ADAMTS2: variants seen among roughly 807,000 people sequenced by gnomAD.
ADAMTS2 encodes ADAM metallopeptidase with thrombospondin type 1 motif 2, also known as A disintegrin and metalloproteinase with thrombospondin motifs 2.
ADAMTS2 carries 50 observed loss-of-function variants against 123.0 expected under a neutral mutation model. The ratio of observed to expected loss-of-function variants is 0.41; its 90% CI spans 0.32 to 0.51. ADAMTS2 has a LOEUF of 0.51. Ranked by LOEUF, ADAMTS2 falls within the 20% of genes least tolerant of loss-of-function variation. ADAMTS2 has a pLI of 0.35. For synonymous variants in ADAMTS2, 678 were observed against 695.4 expected, an observed-to-expected ratio of 0.98 and a Z score of 0.39; for missense variants, 1,494 against 1,705.2, an observed-to-expected ratio of 0.88 and a Z score of 2.18.
chr5:179,157,306 T>G (rs1561782351), intron 6 of ADAMTS2, among the ~76,000 whole-genome samples: 1 of 152,060 alleles, frequency 6.6e-6, no homozygotes, highest in Non-Finnish European at 1.5e-5. Flanking sequence ...TGTGTCGGTT[T>G]CCCCTCCTAG....
chr5:179,320,299 C>A (rs965122885), intron 2 of ADAMTS2, among the ~76,000 whole-genome samples: 7 of 152,104 alleles, frequency 4.6e-5, no homozygotes, highest in South Asian at 2.1e-4. Context: ...TGGAGTCCAC[C>A]CTCCTCCATT....
chr5:179,182,073 G>T (rs1302840880), intron 4 of ADAMTS2, among the ~76,000 whole-genome samples: 1 of 152,100 alleles, frequency 6.6e-6, no homozygotes, highest in African/African-American at 2.4e-5. Flanking sequence ...CCTCCTCGAG[G>T]CCAGCTCAGC....
intron 9 of ADAMTS2, 102 bp downstream of exon 9, chr5:179,153,389 C>T: frequency 6.4e-7 from 1 of 1,561,174 alleles, no homozygotes. Flanking sequence ...CTCTGCCCTC[C>T]CCACACTGGG....
chr5:179,275,251 G>A (rs535231572), intron 2 of ADAMTS2, among the ~76,000 whole-genome samples: 1 of 152,162 alleles, frequency 6.6e-6, no homozygotes. Context: ...GCACCTGGGA[G>A]AGGGGTAATG....
chr5:179,194,772 G>A (rs781214576), intron 4 of ADAMTS2, among the ~76,000 whole-genome samples: 3 of 152,160 alleles, frequency 2.0e-5, no homozygotes, highest in Non-Finnish European at 4.4e-5. Context: ...GGTCACAGGT[G>A]TGCCTCCTTG....
At chr5:179,205,787 T>A (rs428901) in intron 4 of ADAMTS2, among the ~76,000 whole-genome samples, 170 of 96,554 alleles carry the variant, frequency 1.8e-3, no homozygotes, top group Middle Eastern at 6.4e-3. Context: ...TATTATTATT[T>A]TTGAGACGGA....
intron 3 of ADAMTS2, among the ~76,000 whole-genome samples, chr5:179,249,641 A>G (rs1433315635): frequency 2.0e-5 from 3 of 152,204 alleles, no homozygotes; most frequent in Admixed American, 6.5e-5. Flanking sequence ...AACAAATTAA[A>G]TAACCTAGAA....
At chr5:179,148,861 G>A (rs897827685) in intron 10 of ADAMTS2, among the ~76,000 whole-genome samples, 1 of 152,170 alleles carries the variant, frequency 6.6e-6, no homozygotes, top group African/African-American at 2.4e-5. Context: ...GGGTACTGTG[G>A]GCAGGTGGTC....
rs982977976 is a variant in ADAMTS2 at position 179,155,450 on chromosome 5, T to C, written c.1133-531A>G. Among the ~76,000 whole-genome samples the C allele has an allele frequency of 1.1e-4, 17 of 152,270 alleles. No individual in the cohort carries two copies. The highest frequency in any genetic ancestry group is 4.1e-4 in the African/African-American group (17 of 41,566). ...TCCTTGAGACCCTAGCTAGACCTGT[T>C]TCCATAATGCCGCAGAAGGCTGCAA... On this transcript the variant is annotated intron_variant, in intron 6 of 21. Coordinates refer to ENST00000251582, the MANE Select transcript of ADAMTS2 (RefSeq NM_014244.5). This position sits in a 1 kb window ranked among gnomAD's most constrained non-coding sequence, Gnocchi z 5.1.
intron 4 of ADAMTS2, among the ~76,000 whole-genome samples, chr5:179,182,486 AACCCGAG>A (rs1402006005): frequency 6.6e-6 from 1 of 152,168 alleles, no homozygotes; most frequent in Non-Finnish European, 1.5e-5. Context: ...CACCTCAGGA[AACCCGAG>A]GGTTCACAAG....
At chr5:179,268,632 A>G (rs1465341958) in intron 3 of ADAMTS2, among the ~76,000 whole-genome samples, 1 of 152,108 alleles carries the variant, frequency 6.6e-6, no homozygotes, top group Non-Finnish European at 1.5e-5. Flanking sequence ...AGGTCCCTTA[A>G]CGCGGGCGGT....
At chr5:179,216,112 T>C (rs933072605) in intron 3 of ADAMTS2, among the ~76,000 whole-genome samples, 2 of 152,080 alleles carry the variant, frequency 1.3e-5, no homozygotes, top group Non-Finnish European at 1.5e-5. Context: ...CCAACACAGA[T>C]AGAGAAAACG....
chr5:179,272,275 A>G lies in ADAMTS2; in HGVS notation c.688+636T>C, dbSNP rs897067491. Among the ~76,000 whole-genome samples the G allele has an allele frequency of 1.3e-5, 2 of 152,220 alleles. No homozygotes were observed. Among genetic ancestry groups the G allele is most frequent in the African/African-American group, 4.8e-5 (2 of 41,460 alleles). On this transcript the variant is annotated intron_variant, in intron 3 of 21. Coordinates refer to ENST00000251582, the MANE Select transcript of ADAMTS2 (RefSeq NM_014244.5). The surrounding 1 kb of genome is among the most constrained non-coding windows in gnomAD (Gnocchi z 5.8). ...CAGCTCCTTTCACGTTTCTGGGCCC[A>G]GGGCACACGTGGGTTCTGAGTTGAA...
At chr5:179,122,538 C>T (rs1370459071) in intron 20 of ADAMTS2, 106 bp downstream of exon 20, 4 of 1,462,546 alleles carry the variant, frequency 2.7e-6, no homozygotes, top group East Asian at 2.5e-5. Flanking sequence ...ATGTTGAGTC[C>T]AGCTACTCTC....
Position 179,156,965 on chromosome 5 carries a change from T to C in ADAMTS2, c.1132+1758A>G, listed in dbSNP as rs28729887. Among the ~76,000 whole-genome samples the C allele has an allele frequency of 3.9e-3, 562 of 144,830 alleles. 3 individuals are homozygous for C. Among genetic ancestry groups the C allele is most frequent in the African/African-American group, 0.014 (539 of 39,754 alleles). ...TTGGCTGTCCTTTCATTTTTTCTTTTTTTTTTTTTTTTTTTTGAGACAGAG... is the reference window on the plus strand; with the variant it reads ...TTGGCTGTCCTTTCATTTTTTCTTTCTTTTTTTTTTTTTTTTGAGACAGAG... On this transcript the variant is annotated intron_variant, in intron 6 of 21. Coordinates refer to ENST00000251582, the MANE Select transcript of ADAMTS2 (RefSeq NM_014244.5).
intron 4 of ADAMTS2, among the ~76,000 whole-genome samples, chr5:179,191,071 G>A (rs1368755884): frequency 1.3e-5 from 2 of 152,276 alleles, no homozygotes; most frequent in Non-Finnish European, 2.9e-5. Flanking sequence ...GGGAAATGCT[G>A]CAGAACGGGG....
intron 4 of ADAMTS2, among the ~76,000 whole-genome samples, chr5:179,190,023 A>G (rs1238882285): frequency 2.0e-5 from 3 of 152,196 alleles, no homozygotes; most frequent in Non-Finnish European, 4.4e-5. Flanking sequence ...GTGGAATGCC[A>G]TCAGTTAAGG....
chr5:179,290,027 C>T (rs1756141377), intron 2 of ADAMTS2, among the ~76,000 whole-genome samples: 1 of 152,210 alleles, frequency 6.6e-6, no homozygotes, highest in African/African-American at 2.4e-5. Flanking sequence ...AGTCGGAAGA[C>T]TGACAAAATT....
intron 2 of ADAMTS2, among the ~76,000 whole-genome samples, chr5:179,276,399 C>T (rs930299223): frequency 3.3e-5 from 5 of 152,160 alleles, no homozygotes; most frequent in African/African-American, 4.8e-5. Context: ...GGGGCGGCAG[C>T]GGGCAAGCTG....
Sources: allele counts gnomAD v4.1 joint callset (sites outside exome capture counted in the v4.1 genomes callset), GRCh38; gene constraint gnomAD v4.1.1; non-coding constraint Gnocchi (gnomAD v3.1); transcripts MANE v1.5; gene names NCBI Gene and HGNC (gene_info 2026-07-23, HGNC 2026-07-21).